The following PHC1 variants were observed in gnomAD, a reference collection of about 807,000 sequenced individuals.
The protein encoded by PHC1 is polyhomeotic homolog 1.
PHC1 carries 12 observed loss-of-function variants against 104.3 expected under a neutral mutation model. The ratio of observed to expected loss-of-function variants is 0.12; its 90% confidence interval spans 0.07 to 0.19. PHC1 has a LOEUF of 0.19. Ranked by LOEUF, PHC1 falls within the 10% of genes least tolerant of loss-of-function variation. PHC1 has a pLI of 1.00. For missense variants in PHC1, 671 were observed against 1,200.0 expected, an observed-to-expected ratio of 0.56 and a Z score of 6.51; for synonymous variants, 302 against 455.8, an observed-to-expected ratio of 0.66 and a Z score of 4.30.
intron 7 of PHC1, among the ~76,000 whole-genome samples, chr12:8,932,056 T>G (rs1041816680): frequency 6.6e-6 from 1 of 152,188 alleles, no homozygotes; most frequent in Non-Finnish European, 1.5e-5. Context: ...ATTTGTAAAA[T>G]CCAAGTCATT....
chr12:8,915,791 TG>T (rs1203249550), intron 1 of PHC1: 1 of 152,544 alleles, frequency 6.6e-6, no homozygotes, highest in Admixed American at 6.5e-5. Context: ...CAGTTTCCCT[TG>T]ATTTTATTGA....
rs768299527 is a variant in PHC1, at chr12:8,921,606, T to C, written c.312T>C (p.Asn104=). 3.1e-6 allele frequency: 5 copies of C among 1,613,746 alleles called. No homozygotes were observed. The highest frequency in any genetic ancestry group is 4.2e-6 in the Non-Finnish European group (5 of 1,179,928). The part of the protein sequence containing the change: ...QQTTTTQASI[N]LATTSAAQLI... ...TTCCTTTCTGTACCACACAGATCAA[T>C]CTGGCCACCACATCGGCCGCCCAGC... Residue 104 remains asparagine (N), a synonymous_variant, in exon 5 of 15, where the codon AAT becomes AAC. Coordinates refer to ENST00000544916, the MANE Select transcript of PHC1 (RefSeq NM_004426.3).
rs1945300129 is a variant in PHC1, at chr12:8,919,622, A to G, written c.115-134A>G. On this transcript the variant is annotated intron_variant, in intron 2 of 14. Coordinates refer to ENST00000544916, the MANE Select transcript of PHC1 (RefSeq NM_004426.3). The surrounding 1 kb of genome is among the most constrained non-coding windows in gnomAD (Gnocchi z 4.9). Reference sequence around the variant, plus strand: ...AAAAATGAAGGAAAATCAGCCGTTGACGATTTAGCCCAAACTCCCATCTCC... The same window carrying G: ...AAAAATGAAGGAAAATCAGCCGTTGGCGATTTAGCCCAAACTCCCATCTCC... The G allele has an allele frequency of 1.2e-6, 1 of 840,322 alleles. No homozygotes were observed. Among genetic ancestry groups the G allele is most frequent in the Non-Finnish European group, 1.9e-6 (1 of 539,584 alleles). 52.1% of individuals were successfully genotyped at this position (840,322 alleles called of 1,614,324 possible).
chr12:8,915,729 C>G (rs1396111065), intron 1 of PHC1: 3 of 152,120 alleles, frequency 2.0e-5, no homozygotes, highest in Non-Finnish European at 4.4e-5. Context: ...TAATGTTGAT[C>G]ACAAATGAAT....
At position 8,933,849 on chromosome 12, in the gene PHC1, A is replaced by G. The variant is rs569850274; in HGVS notation, c.1894-16A>G. The G allele has an allele frequency of 1.6e-5, 26 of 1,605,842 alleles. No homozygotes were observed. The highest frequency in any genetic ancestry group is 1.9e-5 in the Non-Finnish European group (22 of 1,173,626). On this transcript the variant is annotated splice_polypyrimidine_tract_variant and intron_variant, in intron 8 of 14. Transcript: ENST00000544916. ...ATTTGTACATCTTTGTTTCTTTCCT[A>G]TTCTTTACGGTATAGGGTAAACCCC...
intron 13 of PHC1, 42 bp from the exon 14 acceptor site, chr12:8,937,787 C>T (rs1260466442): frequency 1.3e-6 from 2 of 1,505,928 alleles, no homozygotes; most frequent in East Asian, 2.3e-5. Context: ...GAGGAATAAA[C>T]CTTTGACACT....
intron 10 of PHC1, 34 bp downstream of exon 10, chr12:8,934,512 T>A (rs769452705): frequency 6.0e-6 from 9 of 1,511,626 alleles, no homozygotes; most frequent in South Asian, 1.2e-5. Context: ...GACTTTGAAG[T>A]GGGGACTTGG....
chr12:8,931,558 G>A (rs75385744), intron 7 of PHC1, among the ~76,000 whole-genome samples: 3,142 of 152,212 alleles, frequency 0.021, 103 homozygotes, highest in African/African-American at 0.07. Context: ...AAATTAGCCG[G>A]GCGTAGTGGT....
chr12:8,915,076 A>T (rs1363779910), intron 1 of PHC1: 1 of 152,062 alleles, frequency 6.6e-6, no homozygotes, highest in Non-Finnish European at 1.5e-5. Flanking sequence ...TCATTTTCTT[A>T]TTCATTTTTC....
intron 8 of PHC1, 160 bp downstream of exon 8, chr12:8,933,510 T>C (rs1443551072): frequency 4.0e-6 from 4 of 998,964 alleles, no homozygotes; most frequent in Non-Finnish European, 5.7e-6. Flanking sequence ...TTATATAATA[T>C]CTGAACTTTA....
At chr12:8,918,773 A>G (rs1453781819) in intron 2 of PHC1, among the ~76,000 whole-genome samples, 1 of 152,232 alleles carries the variant, frequency 6.6e-6, no homozygotes, top group African/African-American at 2.4e-5. Context: ...TTAACATCCT[A>G]TGGAGAATAA....
intron 6 of PHC1, 70 bp downstream of exon 6, chr12:8,922,858 C>A: frequency 7.3e-7 from 1 of 1,378,204 alleles, no homozygotes; most frequent in Non-Finnish European, 1.0e-6. Context: ...GGACCTGGGT[C>A]CACCCTTCTG....
At chr12:8,938,156 T>A in intron 14 of PHC1, 96 bp downstream of exon 14, 2 of 795,046 alleles carry the variant, frequency 2.5e-6, no homozygotes, top group Non-Finnish European at 4.2e-6. Flanking sequence ...TTTTAAGCAG[T>A]AGGAGCTTGA....
At chr12:8,920,186 G>A (rs989497036) in intron 3 of PHC1, among the ~76,000 whole-genome samples, 2 of 152,144 alleles carry the variant, frequency 1.3e-5, no homozygotes, top group African/African-American at 4.8e-5. Flanking sequence ...TTTAGAGTTA[G>A]ACTACTTAGT....
intron 7 of PHC1, 129 bp from the exon 8 acceptor site, chr12:8,932,434 A>G (rs1945712590): frequency 1.1e-6 from 1 of 885,052 alleles, no homozygotes; most frequent in East Asian, 2.6e-5. Context: ...CATACTGACT[A>G]GATTTCTTTT....
intron 4 of PHC1, 73 bp downstream of exon 4, chr12:8,921,138 G>T: frequency 9.0e-7 from 1 of 1,115,990 alleles, no homozygotes; most frequent in South Asian, 1.4e-5. Context: ...ACTTTGTGCC[G>T]CTGATCTGAG....
intron 6 of PHC1, among the ~76,000 whole-genome samples, chr12:8,929,969 C>A (rs973447894): frequency 1.6e-4 from 25 of 152,268 alleles, no homozygotes; most frequent in African/African-American, 5.8e-4. Flanking sequence ...AGTTGATATT[C>A]CTTCTCTGTA....
intron 11 of PHC1, among the ~76,000 whole-genome samples, chr12:8,936,153 G>A (rs921664701): frequency 2.6e-5 from 4 of 152,182 alleles, no homozygotes; most frequent in Non-Finnish European, 4.4e-5. Flanking sequence ...GGCCAAGGCC[G>A]GTGGATTTCT....
rs766321639 is a variant in PHC1 at position 8,933,987 on chromosome 12, C to T, written c.2016C>T (p.Val672=). 1.2e-6 allele frequency: 2 copies of T among 1,613,988 alleles called. No homozygotes were observed. Among genetic ancestry groups the T allele is most frequent in the African/African-American group, 2.7e-5 (2 of 74,926 alleles). ...CTCCAGTAGCAGAAAGCCCAAAAGT[C>T]ATGGACGAGAAGAGCAGTCTTGGAG... The part of the protein sequence containing the change: ...KASPVAESPK[V]MDEKSSLGEK... Residue 672 remains valine, a synonymous_variant, in exon 9 of 15, where the codon GTC becomes GTT. Transcript: ENST00000544916.
Sources: allele counts gnomAD v4.1 joint callset (sites outside exome capture counted in the v4.1 genomes callset), GRCh38; gene constraint gnomAD v4.1.1; non-coding constraint Gnocchi (gnomAD v3.1); transcripts MANE v1.5; gene names NCBI Gene and HGNC (gene_info 2026-07-23, HGNC 2026-07-21).